The following GRIK1 variants were observed in gnomAD, a reference collection of about 807,000 sequenced individuals.
GRIK1 encodes the protein glutamate receptor ionotropic, kainate 1.
In GRIK1, 69 loss-of-function variants were observed where a neutral mutation model predicts 105.7. That is an observed-to-expected ratio of 0.65 (90% CI 0.54 to 0.80). The LOEUF (loss-of-function observed/expected upper bound fraction) is 0.80. GRIK1 is among the 30% of genes least tolerant of loss of function. The pLI is 0.00. For synonymous variants in GRIK1, 438 were observed against 431.3 expected (o/e 1.02, Z -0.19); for missense variants, 1,109 against 1,167.3 (o/e 0.95, Z 0.73).
intron 1 of GRIK1, among the ~76,000 whole-genome samples, chr21:29,900,176 A>C (rs1404552181): frequency 1.3e-5 from 2 of 152,056 alleles, no homozygotes; most frequent in African/African-American, 4.8e-5. Flanking sequence ...CACTGCAAAA[A>C]CATGCCAAAT....
Position 29,939,578 on chromosome 21 carries a change from C to T in GRIK1, c.-78G>A, listed in dbSNP as rs1023825165. ...AGATGCACCCAACTTGGGCCGGGTCCCCGCCTCATCCTCTCTGGATGCTCC... is the reference window on the plus strand; with the variant it reads ...AGATGCACCCAACTTGGGCCGGGTCTCCGCCTCATCCTCTCTGGATGCTCC... On this transcript the variant is annotated 5_prime_UTR_variant, in exon 1 of 18. Transcript: ENST00000327783. 7.2e-5 allele frequency: 59 copies of T among 824,720 alleles called. No individual in the cohort carries two copies. In the African/African-American group the frequency reaches 8.8e-4, roughly 12 times the overall value. 51.1% of individuals were successfully genotyped at this position (824,720 alleles called of 1,614,324 possible).
Position 29,796,373 on chromosome 21 carries a change from A to T in GRIK1, c.119-102310T>A, listed in dbSNP as rs60642552. ...GAGAAAGACCTAAACTGCCCCAATC[A>T]ATTTAATGATAACTGATACAGGTCA... On this transcript the variant is annotated intron_variant, in intron 1 of 17. Transcript: ENST00000327783. 3.0e-3 allele frequency among the ~76,000 whole-genome samples: 457 copies of T among 152,290 alleles called. 2 individuals carry two copies. Among genetic ancestry groups the T allele is most frequent in the African/African-American group, 0.011 (439 of 41,578 alleles).
intron 3 of GRIK1, among the ~76,000 whole-genome samples, chr21:29,676,746 T>C (rs369283203): frequency 9.2e-5 from 14 of 151,736 alleles, no homozygotes; most frequent in African/African-American, 1.7e-4. Flanking sequence ...ACAAACCCAA[T>C]AGAGGGACAT....
At chr21:29,794,955 T>G (rs73358487) in intron 1 of GRIK1, among the ~76,000 whole-genome samples, 1,641 of 150,512 alleles carry the variant, frequency 0.011, 38 homozygotes, top group African/African-American at 0.038. Flanking sequence ...AGAGATGTCC[T>G]GGGCAAACAG....
At chr21:29,650,977 A>G (rs2062723020) in intron 6 of GRIK1, 141 bp downstream of exon 6, 2 of 598,892 alleles carry the variant, frequency 3.3e-6, no homozygotes, top group Non-Finnish European at 2.7e-6. Context: ...CAAATTACCT[A>G]AAAAGCAAAC....
At chr21:29,921,637 A>C (rs1298139081) in intron 1 of GRIK1, among the ~76,000 whole-genome samples, 1 of 152,188 alleles carries the variant, frequency 6.6e-6, no homozygotes, top group Non-Finnish European at 1.5e-5. Context: ...CAAATAAATA[A>C]ATAAAAATAT....
chr21:29,698,981 A>T (rs2063763559), intron 1 of GRIK1, among the ~76,000 whole-genome samples: 1 of 152,230 alleles, frequency 6.6e-6, no homozygotes, highest in African/African-American at 2.4e-5. Flanking sequence ...TTTACCTATG[A>T]GGACTTTGTC....
intron 1 of GRIK1, among the ~76,000 whole-genome samples, chr21:29,916,916 T>C (rs2071020146): frequency 6.6e-6 from 1 of 151,986 alleles, no homozygotes; most frequent in African/African-American, 2.4e-5. Flanking sequence ...GAATATATCT[T>C]TTATGTAACA....
chr21:29,756,986 A>C, intron 1 of GRIK1, among the ~76,000 whole-genome samples: 1 of 152,006 alleles, frequency 6.6e-6, no homozygotes, highest in East Asian at 1.9e-4. Context: ...GTGTGGTGGC[A>C]GGTGCCTGTA....
At chr21:29,551,814 T>A (rs767104488) in intron 16 of GRIK1, among the ~76,000 whole-genome samples, 3 of 152,124 alleles carry the variant, frequency 2.0e-5, no homozygotes, top group Non-Finnish European at 4.4e-5. Context: ...TTTGGGAGAG[T>A]AAACTTAGGA....
At chr21:29,652,323 A>G (rs986938749) in intron 5 of GRIK1, among the ~76,000 whole-genome samples, 3 of 152,176 alleles carry the variant, frequency 2.0e-5, no homozygotes, top group Non-Finnish European at 1.5e-5. Context: ...TTTGGCAGGA[A>G]AATCACTCCT....
At chr21:29,551,048 A>G (rs2090125792) in intron 16 of GRIK1, among the ~76,000 whole-genome samples, 1 of 152,340 alleles carries the variant, frequency 6.6e-6, no homozygotes, top group Non-Finnish European at 1.5e-5. Flanking sequence ...TCACATGATC[A>G]TACCTGTGTT....
chr21:29,674,989 C>T (rs571416002), intron 3 of GRIK1, among the ~76,000 whole-genome samples: 65 of 152,292 alleles, frequency 4.3e-4, no homozygotes, highest in African/African-American at 1.5e-3. Context: ...ACGTCATGAA[C>T]TACTGAGGAG....
chr21:29,937,609 A>G (rs1039323207), intron 1 of GRIK1, among the ~76,000 whole-genome samples: 4 of 152,328 alleles, frequency 2.6e-5, no homozygotes, highest in East Asian at 3.9e-4. Context: ...TGGGGGATAT[A>G]GGAAAGGAAA....
chr21:29,632,609 T>C (rs1158948786), intron 7 of GRIK1, among the ~76,000 whole-genome samples: 1 of 152,018 alleles, frequency 6.6e-6, no homozygotes, highest in African/African-American at 2.4e-5. Context: ...ATGATATTCA[T>C]CTAAGTAAAT....
Position 29,606,064 on chromosome 21 carries a change from C to T in GRIK1, c.1099-7127G>A, listed in dbSNP as rs188567945. ...GTGTGACCTTCTTTGTCATGGTGGC[C>T]ATAGTACAATAGCCTCATCCAAGGG... On this transcript the variant is annotated intron_variant, in intron 7 of 17. Transcript: ENST00000327783. Among the ~76,000 whole-genome samples the T allele has an allele frequency of 2.8e-3, 421 of 150,106 alleles. 3 individuals carry two copies. Among genetic ancestry groups the T allele is most frequent in the African/African-American group, 9.6e-3 (393 of 40,888 alleles).
At chr21:29,612,662 T>C (rs1827608077) in intron 7 of GRIK1, among the ~76,000 whole-genome samples, 1 of 152,230 alleles carries the variant, frequency 6.6e-6, no homozygotes. Flanking sequence ...AGAATTACTT[T>C]GTGATTTGAA....
chr21:29,606,970 G>A (rs2061634817), intron 7 of GRIK1, among the ~76,000 whole-genome samples: 1 of 152,178 alleles, frequency 6.6e-6, no homozygotes, highest in Non-Finnish European at 1.5e-5. Flanking sequence ...TGCCTACTGA[G>A]AAGAGCATTT....
chr21:29,539,955 A>G (rs923772785), intron 16 of GRIK1, among the ~76,000 whole-genome samples: 2 of 152,232 alleles, frequency 1.3e-5, no homozygotes, highest in African/African-American at 2.4e-5. Context: ...CACTATAGAT[A>G]GCTTTTTGTG....
Sources: gnomAD v4.1 joint callset for allele counts (sites outside exome capture counted in the v4.1 genomes callset) on GRCh38, gnomAD v4.1.1 for gene constraint, MANE v1.5 for transcripts, NCBI Gene and HGNC (gene_info 2026-07-23, HGNC 2026-07-21) for gene names.